The following GSTCD variants were observed in gnomAD, a reference collection of about 807,000 sequenced individuals.
GSTCD encodes the protein glutathione S-transferase C-terminal domain containing.
In GSTCD, 44 loss-of-function variants were observed where a neutral mutation model predicts 68.3. That is an observed-to-expected ratio of 0.64 (90% CI 0.51 to 0.83). The LOEUF (loss-of-function observed/expected upper bound fraction) is 0.83, where lower values mean the gene tolerates loss of function less well. Ranked by LOEUF, GSTCD falls within the 40% of genes least tolerant of loss-of-function variation. The pLI, the probability that GSTCD is intolerant of heterozygous loss-of-function variation, is 0.00. For missense variants in GSTCD, 739 were observed against 735.9 expected, an observed-to-expected ratio of 1.00 and a Z score of -0.05; for synonymous variants, 273 against 255.2, an observed-to-expected ratio of 1.07 and a Z score of -0.67.
At chr4:105,780,194 A>G (rs1278121112) in intron 5 of GSTCD, among the ~76,000 whole-genome samples, 1 of 152,188 alleles carries the variant, frequency 6.6e-6, no homozygotes, top group African/African-American at 2.4e-5. Flanking sequence ...TCCTCACCAC[A>G]TCAGTTGCCT....
chr4:105,724,442 A>G (rs1732967279), intron 3 of GSTCD, among the ~76,000 whole-genome samples: 1 of 151,704 alleles, frequency 6.6e-6, no homozygotes, highest in South Asian at 2.1e-4. Context: ...TATCTTTTTT[A>G]GTTTTAAATA....
chr4:105,795,416 A>G (rs1347351110), intron 5 of GSTCD, among the ~76,000 whole-genome samples: 1 of 151,914 alleles, frequency 6.6e-6, no homozygotes, highest in Non-Finnish European at 1.5e-5. Context: ...TTAGGTGTTT[A>G]TTGTTGGGAT....
chr4:105,835,908 G>A (rs1465894789), intron 9 of GSTCD, among the ~76,000 whole-genome samples: 1 of 152,160 alleles, frequency 6.6e-6, no homozygotes, highest in East Asian at 1.9e-4. Context: ...TCAGCTCTCA[G>A]CCGAGAGGAG....
chr4:105,738,124 G>A (rs1283928476), intron 5 of GSTCD, among the ~76,000 whole-genome samples: 6 of 152,138 alleles, frequency 3.9e-5, no homozygotes, highest in African/African-American at 1.4e-4. Flanking sequence ...GCAGAATTGT[G>A]AACCAAATAA....
intron 1 of GSTCD, among the ~76,000 whole-genome samples, chr4:105,717,288 C>G (rs1028780410): frequency 6.6e-6 from 1 of 152,128 alleles, no homozygotes; most frequent in Non-Finnish European, 1.5e-5. Flanking sequence ...CTATTTATCT[C>G]CTGTTCTCAC....
intron 5 of GSTCD, among the ~76,000 whole-genome samples, chr4:105,742,201 T>G (rs576202336): frequency 1.3e-5 from 2 of 152,344 alleles, no homozygotes; most frequent in South Asian, 4.1e-4. Context: ...TTTAGGCCTA[T>G]CCAATCTGCC....
At chr4:105,830,870 AGATAGTGTATAAATGT>A (rs1265023754) in intron 8 of GSTCD, among the ~76,000 whole-genome samples, 1 of 152,172 alleles carries the variant, frequency 6.6e-6, no homozygotes, top group African/African-American at 2.4e-5. Context: ...GAAAAAGGGA[AGATAGTGTATAAATGT>A]GCAAAAAAAA....
In GSTCD at chr4:105,709,385, ACTTCT is replaced by A. The variant is rs758050419; in HGVS notation, c.-22+377_-22+381del. ...CTTCAAGACCTCTTGGGTCACACTA[ACTTCT>A]CTTCTCTCTTTGGCATTGAGTTTTC... is the stretch of plus-strand genomic sequence containing the variant. On this transcript the variant is annotated intron_variant, in intron 1 of 11. Transcript: ENST00000515279. 2.0e-4 allele frequency among the ~76,000 whole-genome samples: 31 copies of A among 152,158 alleles called. No individual in the cohort carries two copies. The East Asian group carries it at 4.8e-3, about 24-fold the overall frequency.
chr4:105,776,430 G>T (rs771536134), intron 5 of GSTCD, among the ~76,000 whole-genome samples: 1 of 152,124 alleles, frequency 6.6e-6, no homozygotes, highest in Admixed American at 6.5e-5. Flanking sequence ...CCAAACAGCC[G>T]CCCAGTTTTG....
chr4:105,761,991 G>A (rs1734429123), intron 5 of GSTCD: 1 of 152,200 alleles, frequency 6.6e-6, no homozygotes, highest in Non-Finnish European at 1.5e-5. Context: ...CTCCCGAAGG[G>A]AGAAAATTCC....
In GSTCD at chr4:105,787,778, C is replaced by T. The variant is rs1735519937; in HGVS notation, c.1241-35176C>T. 2.0e-5 allele frequency among the ~76,000 whole-genome samples: 3 copies of T among 151,882 alleles called. No homozygotes were observed. The South Asian group carries it at 6.2e-4, about 32-fold the overall frequency. On this transcript the variant is annotated intron_variant, in intron 5 of 11. Coordinates refer to ENST00000515279, the MANE Select transcript of GSTCD (RefSeq NM_001370181.1). Reference sequence around the variant, plus strand: ...AGAAATGTTTGAAAGCTTTTTTCCCCCCTTGGGAGCTAGATTTATACTTTT... The same window carrying T: ...AGAAATGTTTGAAAGCTTTTTTCCCTCCTTGGGAGCTAGATTTATACTTTT...
chr4:105,743,068 G>A (rs1428598254), intron 5 of GSTCD, among the ~76,000 whole-genome samples: 1 of 151,430 alleles, frequency 6.6e-6, no homozygotes, highest in Non-Finnish European at 1.5e-5. Flanking sequence ...TCCTGCCTCA[G>A]CCTCCCGAGT....
At chr4:105,711,944 C>T (rs893810041) in intron 1 of GSTCD, among the ~76,000 whole-genome samples, 9 of 152,196 alleles carry the variant, frequency 5.9e-5, no homozygotes, top group Admixed American at 5.9e-4. Context: ...TTTCCCGATT[C>T]ACCTCACAAA....
intron 5 of GSTCD, among the ~76,000 whole-genome samples, chr4:105,732,940 G>A (rs532726071): frequency 3.9e-5 from 6 of 152,204 alleles, no homozygotes; most frequent in East Asian, 1.9e-4. Context: ...CCTTCATTTC[G>A]TTATGTACCC....
intron 5 of GSTCD, among the ~76,000 whole-genome samples, chr4:105,795,576 A>G (rs1735852823): frequency 6.6e-6 from 1 of 152,052 alleles, no homozygotes; most frequent in Non-Finnish European, 1.5e-5. Context: ...GTATCTATTC[A>G]TAAATAAAAC....
At chr4:105,795,652 A>G (rs1735856046) in intron 5 of GSTCD, among the ~76,000 whole-genome samples, 1 of 152,122 alleles carries the variant, frequency 6.6e-6, no homozygotes, top group South Asian at 2.1e-4. Context: ...ACAATTGGCT[A>G]GATCCAAGTA....
Position 105,775,701 on chromosome 4 carries a change from G to T in GSTCD, c.1240+46202G>T, listed in dbSNP as rs557481174. The stretch of plus-strand genomic sequence containing the variant: ...AGGCTGCAGAACAGCAAAGATTGCT[G>T]CCTGTTCCTTCCTCTGGAAGCTTTG... On this transcript the variant is annotated intron_variant, in intron 5 of 11. Coordinates refer to ENST00000515279, the MANE Select transcript of GSTCD (RefSeq NM_001370181.1). Among the ~76,000 whole-genome samples, 22 of 152,318 alleles carry T rather than the reference G, an allele frequency of 1.4e-4. No individual in the cohort carries two copies. In the South Asian group the frequency reaches 2.3e-3, roughly 16 times the overall value.
rs1402710677 is a variant in GSTCD, at chr4:105,756,170, T to C, written c.1240+26671T>C. ...TTTCTGTCCCTGTGGAGTTGAGGTG[T>C]GCCACCCTTCTGGCACATGGCTGTG... On this transcript the variant is annotated intron_variant, in intron 5 of 11. Coordinates refer to ENST00000515279, the MANE Select transcript of GSTCD (RefSeq NM_001370181.1). 2.0e-5 allele frequency among the ~76,000 whole-genome samples: 3 copies of C among 152,274 alleles called. No homozygotes were observed. In the East Asian group the frequency reaches 5.8e-4, roughly 29 times the overall value.
intron 5 of GSTCD, among the ~76,000 whole-genome samples, chr4:105,732,390 G>A (rs979029364): frequency 2.6e-5 from 4 of 152,002 alleles, no homozygotes; most frequent in South Asian, 2.1e-4. Context: ...GTCTATTCAG[G>A]GATTCAACAT....
Sources: allele counts gnomAD v4.1 joint callset (sites outside exome capture counted in the v4.1 genomes callset), GRCh38; gene constraint gnomAD v4.1.1; transcripts MANE v1.5; gene names NCBI Gene and HGNC (gene_info 2026-07-23, HGNC 2026-07-21).